The following CADPS variants were observed in gnomAD, a reference collection of about 807,000 sequenced individuals.
CADPS encodes calcium-dependent secretion activator 1.
A neutral mutation model predicts 167.3 loss-of-function variants in CADPS; 57 were observed. The observed-to-expected ratio is 0.34, with a 90% CI of 0.28 to 0.42. The LOEUF is 0.42. CADPS is among the 20% of genes least tolerant of loss of function. The pLI, the probability that CADPS is intolerant of heterozygous loss-of-function variation, is 1.00. For synonymous variants in CADPS, 676 were observed against 635.3 expected (o/e 1.06, Z -0.96); for missense variants, 1,414 against 1,738.1 (o/e 0.81, Z 3.32).
intron 13 of CADPS, among the ~76,000 whole-genome samples, chr3:62,526,230 C>T (rs1032780646): frequency 4.6e-5 from 7 of 152,124 alleles, no homozygotes; most frequent in Non-Finnish European, 1.0e-4. Flanking sequence ...CCAAATACAT[C>T]GCCCAAAAGA....
At chr3:62,596,111 ACACACACACACACAC>A in intron 6 of CADPS, among the ~76,000 whole-genome samples, 1 of 147,678 alleles carries the variant, frequency 6.8e-6, no homozygotes, top group Admixed American at 6.8e-5. Flanking sequence ...ACACACACAC[ACACACACACACACAC>A]ACACACACAC....
chr3:62,860,467 T>C (rs934892313), intron 1 of CADPS, among the ~76,000 whole-genome samples: 1 of 152,164 alleles, frequency 6.6e-6, no homozygotes, highest in African/African-American at 2.4e-5. Flanking sequence ...CAAATCTGCA[T>C]ATGCTCAAGT....
chr3:62,857,536 T>C (rs2079945013), intron 1 of CADPS, among the ~76,000 whole-genome samples: 1 of 152,110 alleles, frequency 6.6e-6, no homozygotes, highest in African/African-American at 2.4e-5. Context: ...CAAAGTCATT[T>C]AGAAGAATGA....
At chr3:62,803,677 G>C (rs2093916345) in intron 1 of CADPS, among the ~76,000 whole-genome samples, 1 of 152,136 alleles carries the variant, frequency 6.6e-6, no homozygotes, top group South Asian at 2.1e-4. Context: ...GAATGTGAGT[G>C]TTAGCATTGT....
intron 1 of CADPS, among the ~76,000 whole-genome samples, chr3:62,821,324 CT>C (rs67888671): frequency 0.15 from 22,702 of 152,062 alleles, 1,965 homozygotes; most frequent in African/African-American, 0.23. Context: ...GTTTTCTAGG[CT>C]GCCTTAACAA....
intron 22 of CADPS, 144 bp downstream of exon 22, chr3:62,481,579 C>T: frequency 4.2e-6 from 3 of 709,830 alleles, no homozygotes; most frequent in Non-Finnish European, 6.6e-6. Flanking sequence ...CAGAAATAAA[C>T]AATATTGTCT....
intron 6 of CADPS, among the ~76,000 whole-genome samples, chr3:62,609,041 C>T (rs989626126): frequency 6.6e-6 from 1 of 152,202 alleles, no homozygotes; most frequent in Non-Finnish European, 1.5e-5. Flanking sequence ...TCAACCAAGA[C>T]TGTCTGAAAT....
At chr3:62,800,067 ACACTGTTTG>A (rs1443079531) in intron 1 of CADPS, among the ~76,000 whole-genome samples, 1 of 152,126 alleles carries the variant, frequency 6.6e-6, no homozygotes, top group Non-Finnish European at 1.5e-5. Context: ...ACATAGACCC[ACACTGTTTG>A]TGGGATCTGC....
At chr3:62,469,723 T>C (rs774374458) in intron 24 of CADPS, 4 of 169,980 alleles carry the variant, frequency 2.4e-5, no homozygotes, top group Admixed American at 6.2e-5. Flanking sequence ...TTGGCCAAGG[T>C]GGTCCCGATC....
chr3:62,474,656 C>T (rs924748774), intron 23 of CADPS, among the ~76,000 whole-genome samples: 7 of 152,160 alleles, frequency 4.6e-5, no homozygotes, highest in Admixed American at 2.0e-4. Flanking sequence ...TATGTAAGTT[C>T]TCTCACATTG....
intron 3 of CADPS, among the ~76,000 whole-genome samples, chr3:62,664,731 T>A (rs748080758): frequency 2.6e-5 from 4 of 152,216 alleles, no homozygotes; most frequent in Non-Finnish European, 5.9e-5. Flanking sequence ...TCGGAAGATA[T>A]GGTGCTCGTA....
intron 28 of CADPS, among the ~76,000 whole-genome samples, chr3:62,428,296 CTTT>C (rs34002756): frequency 2.6e-3 from 169 of 64,548 alleles, no homozygotes; most frequent in Middle Eastern, 0.013. Context: ...GGAAGCAAGA[CTTT>C]TTTTTTTTTT....
At chr3:62,429,340 G>C (rs943975732) in intron 28 of CADPS, among the ~76,000 whole-genome samples, 7 of 152,134 alleles carry the variant, frequency 4.6e-5, no homozygotes, top group Admixed American at 4.6e-4. Flanking sequence ...CAAACTTCCA[G>C]ATGATGCTGA....
At position 62,428,661 on chromosome 3, in the gene CADPS, C is replaced by T. The variant is rs115810051; in HGVS notation, c.3777+9443G>A. On this transcript the variant is annotated intron_variant, in intron 28 of 29. Coordinates refer to ENST00000383710, the MANE Select transcript of CADPS (RefSeq NM_003716.4). ...TGTTGTTGCTACATCATACTCATCGCGTTTTTGTGTGATGATGGCAGTGGC... is the reference window on the plus strand; with the variant it reads ...TGTTGTTGCTACATCATACTCATCGTGTTTTTGTGTGATGATGGCAGTGGC... Among the ~76,000 whole-genome samples the T allele has an allele frequency of 2.6e-3, 390 of 152,248 alleles. 1 individual carries two copies. The highest frequency in any genetic ancestry group is 8.4e-3 in the African/African-American group (350 of 41,536).
At chr3:62,683,252 G>T (rs1009117732) in intron 3 of CADPS, among the ~76,000 whole-genome samples, 2 of 151,706 alleles carry the variant, frequency 1.3e-5, no homozygotes, top group Non-Finnish European at 2.9e-5. Context: ...GGGATGAGAA[G>T]TTCAGATGAG....
At chr3:62,670,225 C>T (rs1249285040) in intron 3 of CADPS, among the ~76,000 whole-genome samples, 1 of 152,120 alleles carries the variant, frequency 6.6e-6, no homozygotes, top group Non-Finnish European at 1.5e-5. Context: ...GTGTATATAA[C>T]TCTACTATTA....
intron 1 of CADPS, among the ~76,000 whole-genome samples, chr3:62,811,678 A>G (rs1559736305): frequency 6.6e-6 from 1 of 152,214 alleles, no homozygotes; most frequent in East Asian, 1.9e-4. Context: ...AATGGCATCA[A>G]TGCTGTAATT....
chr3:62,755,320 C>T (rs764558890), intron 2 of CADPS, among the ~76,000 whole-genome samples: 1 of 152,124 alleles, frequency 6.6e-6, no homozygotes, highest in Non-Finnish European at 1.5e-5. Context: ...CTTATTTTTG[C>T]TCCACTGCCC....
intron 6 of CADPS, among the ~76,000 whole-genome samples, chr3:62,604,849 G>T (rs2060473148): frequency 6.6e-6 from 1 of 152,190 alleles, no homozygotes; most frequent in African/African-American, 2.4e-5. Context: ...AAAATGAACT[G>T]CTCACCGCAT....
Sources: gnomAD v4.1 joint callset for allele counts (sites outside exome capture counted in the v4.1 genomes callset) on GRCh38, gnomAD v4.1.1 for gene constraint, MANE v1.5 for transcripts, NCBI Gene and HGNC (gene_info 2026-07-23, HGNC 2026-07-21) for gene names.